The following CAPZA1 variants were observed in gnomAD, a reference collection of about 807,000 sequenced individuals.
CAPZA1 encodes the protein F-actin-capping protein subunit alpha-1.
A neutral mutation model predicts 40.8 loss-of-function variants in CAPZA1; 10 were observed. The ratio of observed to expected loss-of-function variants is 0.25; its 90% confidence interval spans 0.15 to 0.42. CAPZA1 has a LOEUF of 0.42. Ranked by LOEUF, CAPZA1 falls within the 10% of genes least tolerant of loss-of-function variation. The probability of loss-of-function intolerance (pLI) is 1.00; values close to 1 mark genes in which losing one functional copy is unlikely to be tolerated. For missense variants in CAPZA1, 277 were observed against 353.8 expected, an observed-to-expected ratio of 0.78 and a Z score of 1.74; for synonymous variants, 98 against 115.0, an observed-to-expected ratio of 0.85 and a Z score of 0.95.
intron 7 of CAPZA1, among the ~76,000 whole-genome samples, chr1:112,664,295 G>C (rs1160174535): frequency 1.3e-5 from 2 of 150,900 alleles, no homozygotes; most frequent in South Asian, 2.1e-4. Context: ...GGGGGTTCTT[G>C]TTATCCAGGA....
At chr1:112,641,025 A>G (rs1417453291) in intron 1 of CAPZA1, among the ~76,000 whole-genome samples, 2 of 152,162 alleles carry the variant, frequency 1.3e-5, no homozygotes, top group Non-Finnish European at 2.9e-5. Flanking sequence ...TGAAGGCAGC[A>G]TGCTCATTAA....
chr1:112,637,000 A>G (rs1671032954), intron 1 of CAPZA1, among the ~76,000 whole-genome samples: 1 of 152,194 alleles, frequency 6.6e-6, no homozygotes, highest in African/African-American at 2.4e-5. Flanking sequence ...CTTTGACTCA[A>G]TTCTTGGTTA....
At chr1:112,645,222 A>C (rs1671257614) in intron 1 of CAPZA1, among the ~76,000 whole-genome samples, 1 of 152,252 alleles carries the variant, frequency 6.6e-6, no homozygotes, top group Non-Finnish European at 1.5e-5. Context: ...AAACTAAATT[A>C]AAGTCAGAGC....
intron 1 of CAPZA1, among the ~76,000 whole-genome samples, chr1:112,645,770 C>T (rs1010476673): frequency 6.1e-5 from 9 of 148,056 alleles, no homozygotes; most frequent in African/African-American, 2.2e-4. Context: ...AAGGAATTAC[C>T]AAAAATCTTG....
At chr1:112,624,605 C>CAAAAAAA (rs34860716) in intron 1 of CAPZA1, among the ~76,000 whole-genome samples, 2 of 55,834 alleles carry the variant, frequency 3.6e-5, no homozygotes, top group African/African-American at 8.2e-5. Context: ...AAAACTCCAT[C>CAAAAAAA]AAAAAAAAAA....
chr1:112,663,050 C>T (rs538472046), intron 7 of CAPZA1, among the ~76,000 whole-genome samples: 13 of 152,160 alleles, frequency 8.5e-5, no homozygotes, highest in South Asian at 2.1e-4. Flanking sequence ...TTGCAACGTC[C>T]GCCTCCTGGG....
intron 1 of CAPZA1, 105 bp from the exon 2 acceptor site, chr1:112,647,105 A>AT (rs1671294538): frequency 2.0e-5 from 11 of 552,736 alleles, no homozygotes; most frequent in Admixed American, 9.3e-5. Flanking sequence ...TAAACAGAAC[A>AT]TTTTTTTCAA....
intron 1 of CAPZA1, among the ~76,000 whole-genome samples, chr1:112,632,199 T>G (rs548639028): frequency 6.6e-6 from 1 of 151,862 alleles, no homozygotes; most frequent in South Asian, 2.1e-4. Context: ...TCCCAGCTGT[T>G]TGGGAGGCTG....
intron 1 of CAPZA1, among the ~76,000 whole-genome samples, chr1:112,645,073 C>A (rs979673527): frequency 6.6e-6 from 1 of 152,180 alleles, no homozygotes; most frequent in Non-Finnish European, 1.5e-5. Context: ...ACCATAGATG[C>A]AGAGTGGTGT....
intron 1 of CAPZA1, among the ~76,000 whole-genome samples, chr1:112,645,854 C>T (rs1671270638): frequency 6.6e-6 from 1 of 151,450 alleles, no homozygotes; most frequent in South Asian, 2.1e-4. Flanking sequence ...CCCAGCTACT[C>T]AGGAGGCTGA....
chr1:112,649,833 TAGCA>T (rs1671349290), intron 3 of CAPZA1: 1 of 227,126 alleles, frequency 4.4e-6, no homozygotes, highest in Non-Finnish European at 8.5e-6. Flanking sequence ...TGTTTAAGAA[TAGCA>T]AATATTAATA....
At position 112,619,874 on chromosome 1, in the gene CAPZA1, TGAG is replaced by T. The variant is rs1670540352; in HGVS notation, c.34_36del (p.Glu12del). ...CCGACTTCGATGATCGTGTGTCGGA[TGAG>T]GAGAAGGTAAGGGGTCCGCCTCTCT... On this transcript the variant is annotated inframe_deletion, in exon 1 of 10. Coordinates refer to ENST00000263168, the MANE Select transcript of CAPZA1 (RefSeq NM_006135.3). 5 of 1,612,508 alleles carry T rather than the reference TGAG, an allele frequency of 3.1e-6. No homozygotes were observed. The highest frequency in any genetic ancestry group is 1.1e-5 in the South Asian group (1 of 90,696).
At chr1:112,630,504 T>C (rs760416974) in intron 1 of CAPZA1, among the ~76,000 whole-genome samples, 1 of 151,764 alleles carries the variant, frequency 6.6e-6, no homozygotes, top group Non-Finnish European at 1.5e-5. Context: ...TCACCACACC[T>C]GCCTAATTTT....
At chr1:112,636,082 G>A (rs1448942717) in intron 1 of CAPZA1, among the ~76,000 whole-genome samples, 2 of 152,166 alleles carry the variant, frequency 1.3e-5, no homozygotes, top group Non-Finnish European at 2.9e-5. Flanking sequence ...TTGATGAAAT[G>A]TGTGGGGTCT....
rs770352173 is a variant in CAPZA1, at chr1:112,642,202, CTTTTTTTTTTTTTT to C, written c.40-4993_40-4980del. On this transcript the variant is annotated intron_variant, in intron 1 of 9. Coordinates refer to ENST00000263168, the MANE Select transcript of CAPZA1 (RefSeq NM_006135.3). ...ACAGCCTCTGAAGACTACCCCGCAC[CTTTTTTTTTTTTTT>C]TTTTTTTTTTTTTTGAGACAGAATC... Among the ~76,000 whole-genome samples, 90 of 59,082 alleles carry C rather than the reference CTTTTTTTTTTTTTT, an allele frequency of 1.5e-3. 2 individuals carry two copies. In the East Asian group the frequency reaches 0.038, roughly 25 times the overall value. The allele number at this position is 59,082 out of a possible 152,430, so 38.8% of individuals were successfully genotyped here.
Position 112,670,204 on chromosome 1 carries a change from A to G in CAPZA1, c.*72A>G. On this transcript the variant is annotated 3_prime_UTR_variant, in exon 10 of 10. Transcript: ENST00000263168. ...CGTGTGGTCATATGATAAATAAGTG[A>G]TTTATAAACAAGAGTGATATTTTGC... is the stretch of plus-strand genomic sequence containing the variant. 8 of 1,554,204 alleles carry G rather than the reference A, an allele frequency of 5.1e-6. No individual in the cohort carries two copies. The highest frequency in any genetic ancestry group is 1.8e-4 in the Middle Eastern group (1 of 5,700).
At chr1:112,649,131 T>C (rs1408674361) in intron 2 of CAPZA1, among the ~76,000 whole-genome samples, 4 of 152,232 alleles carry the variant, frequency 2.6e-5, no homozygotes, top group Admixed American at 6.5e-5. Context: ...TCTATGCTCA[T>C]ATTAAAGGAT....
intron 1 of CAPZA1, among the ~76,000 whole-genome samples, chr1:112,638,762 C>T (rs1003016032): frequency 3.3e-5 from 5 of 151,274 alleles, no homozygotes; most frequent in African/African-American, 7.3e-5. Context: ...TGGTGAAACC[C>T]CATCCCTACT....
chr1:112,656,131 T>G (rs1671495520), intron 5 of CAPZA1, among the ~76,000 whole-genome samples: 1 of 152,204 alleles, frequency 6.6e-6, no homozygotes, highest in Non-Finnish European at 1.5e-5. Context: ...ATATTTTAAA[T>G]ATACAATGAT....
Sources: allele counts gnomAD v4.1 joint callset (sites outside exome capture counted in the v4.1 genomes callset), GRCh38; gene constraint gnomAD v4.1.1; transcripts MANE v1.5; gene names NCBI Gene and HGNC (gene_info 2026-07-23, HGNC 2026-07-21).